MYT1L: variants seen among roughly 807,000 people sequenced by gnomAD.
MYT1L encodes the protein myelin transcription factor 1-like protein.
Under a neutral mutation model 126.7 loss-of-function variants are expected in MYT1L, and 12 were observed. That is an observed-to-expected ratio of 0.09 (90% CI 0.06 to 0.15). The LOEUF (loss-of-function observed/expected upper bound fraction) is 0.15. Ranked by LOEUF, MYT1L falls within the 10% of genes least tolerant of loss-of-function variation. The pLI is 1.00. For missense variants in MYT1L, 979 were observed against 1,585.2 expected, an observed-to-expected ratio of 0.62 and a Z score of 6.49; for synonymous variants, 541 against 604.2, an observed-to-expected ratio of 0.90 and a Z score of 1.53.
chr2:2,009,883 C>T (rs943852807), intron 4 of MYT1L, among the ~76,000 whole-genome samples: 1 of 149,484 alleles, frequency 6.7e-6, no homozygotes. Flanking sequence ...TTCTTCTATA[C>T]CTAAACTGTT....
chr2:2,229,247 G>T (rs191422807), intron 2 of MYT1L, among the ~76,000 whole-genome samples: 2 of 151,926 alleles, frequency 1.3e-5, no homozygotes, highest in East Asian at 3.9e-4. Flanking sequence ...AACTTTTCTA[G>T]ATCTGCTTCA....
rs1553619839 is a variant in MYT1L, at chr2:2,279,564, T to TGAAGGAAGGAAG, written c.-421+4839_-421+4840insCTTCCTTCCTTC. Among the ~76,000 whole-genome samples, 10 of 121,682 alleles carry TGAAGGAAGGAAG rather than the reference T, an allele frequency of 8.2e-5. No homozygotes were observed. The South Asian group carries it at 2.0e-3, about 25-fold the overall frequency. The allele number at this position is 121,682 out of a possible 152,430, so 79.8% of individuals were successfully genotyped here. On this transcript the variant is annotated intron_variant, in intron 2 of 24. Transcript: ENST00000647738. ...GAGAGAGAAAGAGAGAAGGAATGAA[T>TGAAGGAAGGAAG]GAATGAAGGAAGGAAGGAAGGAAGG...
chr2:1,805,405 G>C lies in MYT1L; in HGVS notation c.3173-3606C>G, dbSNP rs186875995. ...TGGAGGGAAGCTGCTGCGCACTCTTGTTACACTGAAGGTATAAAAATGACC... is the reference window on the plus strand; with the variant it reads ...TGGAGGGAAGCTGCTGCGCACTCTTCTTACACTGAAGGTATAAAAATGACC... On this transcript the variant is annotated intron_variant, in intron 22 of 24. Transcript: ENST00000647738. Among the ~76,000 whole-genome samples, 172 of 152,256 alleles carry C rather than the reference G, an allele frequency of 1.1e-3. 3 individuals carry two copies. The highest frequency in any genetic ancestry group is 8.8e-5 in the Non-Finnish European group (6 of 68,024).
intron 1 of MYT1L, among the ~76,000 whole-genome samples, chr2:2,329,767 A>T (rs1227908540): frequency 6.6e-6 from 1 of 152,120 alleles, no homozygotes; most frequent in African/African-American, 2.4e-5. Flanking sequence ...AAAATTTATC[A>T]CTCAAGTATA....
intron 2 of MYT1L, among the ~76,000 whole-genome samples, chr2:2,227,280 C>T (rs765585004): frequency 6.6e-6 from 1 of 152,130 alleles, no homozygotes; most frequent in Non-Finnish European, 1.5e-5. Flanking sequence ...ACTCCCAAAG[C>T]GTATTTCTAG....
chr2:2,188,816 C>T (rs1201471932), intron 2 of MYT1L, among the ~76,000 whole-genome samples: 1 of 152,086 alleles, frequency 6.6e-6, no homozygotes, highest in Non-Finnish European at 1.5e-5. Context: ...GCAGGTGGGT[C>T]AGAGTTTTGA....
At position 2,041,675 on chromosome 2, in the gene MYT1L, C is replaced by T. The variant is rs529503750; in HGVS notation, c.-158+12303G>A. Among the ~76,000 whole-genome samples, 3 of 152,202 alleles carry T rather than the reference C, an allele frequency of 2.0e-5. No homozygotes were observed. In the South Asian group the frequency reaches 6.2e-4, roughly 32 times the overall value. ...AGGACCTTTGCCTCTGCTTGCTCAC[C>T]GGAGGCAAATTTCTCTGGTTTCATT... On this transcript the variant is annotated intron_variant, in intron 4 of 24. Coordinates refer to ENST00000647738, the MANE Select transcript of MYT1L (RefSeq NM_001303052.2).
At chr2:2,309,816 C>A (rs547734318) in intron 1 of MYT1L, among the ~76,000 whole-genome samples, 1 of 151,228 alleles carries the variant, frequency 6.6e-6, no homozygotes, top group Non-Finnish European at 1.5e-5. Flanking sequence ...ACTTGCACTT[C>A]GGCATACTCT....
chr2:2,303,229 T>A (rs1371605418), intron 1 of MYT1L, among the ~76,000 whole-genome samples: 2 of 152,206 alleles, frequency 1.3e-5, no homozygotes, highest in Non-Finnish European at 2.9e-5. Context: ...AAAGACTTGT[T>A]GAAAAAGCGG....
chr2:1,831,441 C>T (rs1240402966), intron 21 of MYT1L, among the ~76,000 whole-genome samples: 3 of 152,214 alleles, frequency 2.0e-5, no homozygotes, highest in Non-Finnish European at 2.9e-5. Flanking sequence ...CCCACTTCTG[C>T]GCCTTTCCAG....
intron 1 of MYT1L, among the ~76,000 whole-genome samples, chr2:2,320,657 C>T (rs1175010245): frequency 1.3e-5 from 2 of 152,130 alleles, no homozygotes; most frequent in Non-Finnish European, 2.9e-5. Context: ...ACAGAAAATA[C>T]AAGTCATTAT....
chr2:1,956,441 C>CTATCTATCTATCTACCTAT (rs1573965981), intron 8 of MYT1L, among the ~76,000 whole-genome samples: 10 of 36,318 alleles, frequency 2.8e-4, no homozygotes, highest in East Asian at 2.9e-3. Context: ...TATCTATCTA[C>CTATCTATCTATCTACCTAT]CTATCATCTA....
At chr2:1,925,942 C>T (rs2054171395) in intron 9 of MYT1L, among the ~76,000 whole-genome samples, 1 of 152,154 alleles carries the variant, frequency 6.6e-6, no homozygotes, top group Admixed American at 6.5e-5. Context: ...CTAAAGACTG[C>T]AGTTTGCTGT....
At chr2:2,092,746 C>T (rs1013330096) in intron 3 of MYT1L, among the ~76,000 whole-genome samples, 2 of 152,218 alleles carry the variant, frequency 1.3e-5, no homozygotes, top group African/African-American at 4.8e-5. Context: ...CACATCCTAG[C>T]CTCCTTGCAC....
At chr2:2,138,789 A>G (rs2083471537) in intron 3 of MYT1L, among the ~76,000 whole-genome samples, 1 of 150,206 alleles carries the variant, frequency 6.7e-6, no homozygotes, top group Non-Finnish European at 1.5e-5. Context: ...GCACATGTAT[A>G]CATATGTAAT....
At chr2:2,205,679 G>T (rs542426382) in intron 2 of MYT1L, among the ~76,000 whole-genome samples, 1 of 152,070 alleles carries the variant, frequency 6.6e-6, no homozygotes, top group Non-Finnish European at 1.5e-5. Flanking sequence ...ACTTGCAAAT[G>T]CCTTCATCTA....
At chr2:2,111,853 G>A (rs1225602843) in intron 3 of MYT1L, among the ~76,000 whole-genome samples, 3 of 152,242 alleles carry the variant, frequency 2.0e-5, no homozygotes, top group African/African-American at 4.8e-5. Context: ...CCTGGCCTGT[G>A]CCCTGTCTCC....
intron 2 of MYT1L, among the ~76,000 whole-genome samples, chr2:2,259,258 G>C (rs987091875): frequency 9.3e-6 from 1 of 107,506 alleles, no homozygotes; most frequent in Non-Finnish European, 1.8e-5. Flanking sequence ...GTCGGGGGAG[G>C]GGGGAGGGAT....
At position 2,107,201 on chromosome 2, in the gene MYT1L, T is replaced by G. The variant is rs529418100; in HGVS notation, c.-303-53078A>C. On this transcript the variant is annotated intron_variant, in intron 3 of 24. Transcript: ENST00000647738. ...AGAATGTAAGACTGAGACGTGGGTT[T>G]GGGCAGGGAAGACCATCACCATGAA... Among the ~76,000 whole-genome samples, 4 of 152,330 alleles carry G rather than the reference T, an allele frequency of 2.6e-5. No individual in the cohort carries two copies. In the East Asian group the frequency reaches 7.7e-4, roughly 29 times the overall value.
Sources: allele counts gnomAD v4.1 joint callset (sites outside exome capture counted in the v4.1 genomes callset), GRCh38; gene constraint gnomAD v4.1.1; transcripts MANE v1.5; gene names NCBI Gene and HGNC (gene_info 2026-07-23, HGNC 2026-07-21).